Variants in EML4 observed in about 807,000 individuals in gnomAD.
EML4 encodes the protein EMAP like 4, also known as echinoderm microtubule-associated protein-like 4.
A neutral mutation model predicts 129.0 loss-of-function variants in EML4; 72 were observed. The observed-to-expected ratio is 0.56, with a 90% CI of 0.46 to 0.68. The LOEUF (loss-of-function observed/expected upper bound fraction) is 0.68. Ranked by LOEUF, EML4 falls within the 30% of genes least tolerant of loss-of-function variation. The pLI is 0.00. For missense variants in EML4, 1,363 were observed against 1,190.6 expected (o/e 1.14, Z -2.13); for synonymous variants, 532 against 405.0 (o/e 1.31, Z -3.77).
Position 42,237,949 on chromosome 2 carries a change from G to C in EML4, c.26-7556G>C, listed in dbSNP as rs530522708. 2.7e-4 allele frequency among the ~76,000 whole-genome samples: 41 copies of C among 152,324 alleles called. 1 individual carries two copies. Among genetic ancestry groups the C allele is most frequent in the Admixed American group, 2.3e-3 (35 of 15,308 alleles). ...TACTTATTGGTAGCATATAAGTTCA[G>C]AGTCAGGAATGATGGTTATGCCAAA... On this transcript the variant is annotated intron_variant, in intron 1 of 22. Coordinates refer to ENST00000318522, the MANE Select transcript of EML4 (RefSeq NM_019063.5).
At chr2:42,178,931 A>G (rs1368661159) in intron 1 of EML4, among the ~76,000 whole-genome samples, 1 of 152,212 alleles carries the variant, frequency 6.6e-6, no homozygotes, top group Non-Finnish European at 1.5e-5. Context: ...ATTTGTTTAG[A>G]CAGGAATCAT....
intron 6 of EML4, among the ~76,000 whole-genome samples, 164 bp from the exon 7 acceptor site, chr2:42,280,686 G>A (rs1048960419): frequency 3.3e-5 from 5 of 152,126 alleles, no homozygotes; most frequent in East Asian, 3.8e-4. Context: ...TCAGTCCCCC[G>A]TGGATACAGG....
At chr2:42,177,267 T>TA (rs397769856) in intron 1 of EML4, among the ~76,000 whole-genome samples, 1 of 151,678 alleles carries the variant, frequency 6.6e-6, no homozygotes, top group African/African-American at 2.4e-5. Context: ...TTTTTTTTTT[T>TA]AAAGAAATGA....
chr2:42,179,228 G>C (rs887319892), intron 1 of EML4, among the ~76,000 whole-genome samples: 11 of 150,838 alleles, frequency 7.3e-5, no homozygotes, highest in African/African-American at 2.4e-4. Context: ...CTCCAGATGG[G>C]GAACATCCTA....
At chr2:42,171,556 T>G (rs2103779012) in intron 1 of EML4, among the ~76,000 whole-genome samples, 1 of 152,314 alleles carries the variant, frequency 6.6e-6, no homozygotes, top group East Asian at 1.9e-4. Flanking sequence ...TGAATTGCAG[T>G]TGGGGCTCAC....
chr2:42,170,872 G>A (rs535047478), intron 1 of EML4, among the ~76,000 whole-genome samples: 1 of 152,352 alleles, frequency 6.6e-6, no homozygotes, highest in South Asian at 2.1e-4. Context: ...ATATCGAGAT[G>A]AGATGGATTT....
intron 6 of EML4, 120 bp downstream of exon 6, chr2:42,264,851 G>A (rs1009756559): frequency 1.0e-5 from 15 of 1,475,690 alleles, no homozygotes; most frequent in African/African-American, 7.0e-5. Flanking sequence ...AGAAAAGTGC[G>A]TTACTGTAGT....
Position 42,212,610 on chromosome 2 carries a change from C to G in EML4, c.26-32895C>G, listed in dbSNP as rs148889484. 2.9e-3 allele frequency among the ~76,000 whole-genome samples: 436 copies of G among 152,262 alleles called. 2 individuals carry two copies. The highest frequency in any genetic ancestry group is 0.01 in the African/African-American group (428 of 41,546). ...TTTCTTAATTTCTTTTAATTTAGAT[C>G]TCTTTTCTATCCAGTTAACAGATAA... On this transcript the variant is annotated intron_variant, in intron 1 of 22. Transcript: ENST00000318522.
intron 2 of EML4, 22 bp downstream of exon 2, chr2:42,245,709 A>G (rs372217553): frequency 1.6e-4 from 255 of 1,554,946 alleles, no homozygotes; most frequent in Non-Finnish European, 2.1e-4. Flanking sequence ...GTAAAGTTAA[A>G]AAGAGTCTTG....
At chr2:42,207,857 G>GT (rs1672653775) in intron 1 of EML4, 1 of 152,116 alleles carries the variant, frequency 6.6e-6, no homozygotes, top group African/African-American at 2.4e-5. Flanking sequence ...ATTGTTCTGT[G>GT]TTTTAGACAA....
At chr2:42,226,675 A>G (rs1342816290) in intron 1 of EML4, among the ~76,000 whole-genome samples, 2 of 139,662 alleles carry the variant, frequency 1.4e-5, no homozygotes, top group East Asian at 3.9e-4. Flanking sequence ...ATAAAATAAA[A>G]TAAAATAAAT....
At chr2:42,238,400 A>T (rs1290734300) in intron 1 of EML4, among the ~76,000 whole-genome samples, 3 of 152,190 alleles carry the variant, frequency 2.0e-5, no homozygotes, top group Non-Finnish European at 4.4e-5. Flanking sequence ...AGGCATAGCT[A>T]ATCCCAACTG....
At chr2:42,303,033 T>C in intron 14 of EML4, 71 bp from the exon 15 acceptor site, 1 of 1,503,524 alleles carries the variant, frequency 6.7e-7, no homozygotes. Flanking sequence ...CTTACAGCTA[T>C]AAATGCAGGC....
chr2:42,217,470 C>A (rs1673271416), intron 1 of EML4, among the ~76,000 whole-genome samples: 1 of 152,152 alleles, frequency 6.6e-6, no homozygotes, highest in African/African-American at 2.4e-5. Context: ...TCTGTGGAAA[C>A]AGATGGTTAC....
At position 42,326,194 on chromosome 2, in the gene EML4, G is replaced by A. The variant is rs146276222; in HGVS notation, c.2283G>A (p.Ser761=). The change falls in exon 21 of 23, where the codon TCG becomes TCA. Residue 761 remains serine, a synonymous_variant. Transcript: ENST00000318522. ...GCTGCAAACTAATCAGGAATCGATC[G>A]GATTGTAAGGACATTGATTGGACGA... ...PNGCKLIRNR[S]DCKDIDWTTY... is the part of the protein sequence containing the mutation. 55 of 1,613,546 alleles carry A rather than the reference G, an allele frequency of 3.4e-5. No individual in the cohort carries two copies. The highest frequency in any genetic ancestry group is 2.3e-4 in the African/African-American group (17 of 74,900).
At chr2:42,186,342 A>C (rs763354759) in intron 1 of EML4, among the ~76,000 whole-genome samples, 10 of 144,808 alleles carry the variant, frequency 6.9e-5, no homozygotes, top group Non-Finnish European at 1.3e-4. Context: ...TTATACTTGA[A>C]AAAAAAAAAC....
At chr2:42,322,635 G>T (rs1431807472) in intron 19 of EML4, among the ~76,000 whole-genome samples, 1 of 152,200 alleles carries the variant, frequency 6.6e-6, no homozygotes, top group African/African-American at 2.4e-5. Context: ...GCTATTTAAT[G>T]ACAATAATGA....
chr2:42,268,359 C>T (rs1285677367), intron 6 of EML4, among the ~76,000 whole-genome samples: 2 of 152,182 alleles, frequency 1.3e-5, no homozygotes, highest in African/African-American at 4.8e-5. Context: ...TGAGCATCCA[C>T]AGATTTTGCT....
chr2:42,316,521 A>C (rs1158072831), intron 18 of EML4, among the ~76,000 whole-genome samples: 1 of 152,206 alleles, frequency 6.6e-6, no homozygotes, highest in Non-Finnish European at 1.5e-5. Flanking sequence ...TTGTTAATTA[A>C]ATACTTAGCA....
Sources: gnomAD v4.1 joint callset for allele counts (sites outside exome capture counted in the v4.1 genomes callset) on GRCh38, gnomAD v4.1.1 for gene constraint, MANE v1.5 for transcripts, NCBI Gene and HGNC (gene_info 2026-07-23, HGNC 2026-07-21) for gene names.